VWC2L: variants seen among roughly 807,000 people sequenced by gnomAD.
The protein encoded by VWC2L is von Willebrand factor C domain-containing protein 2-like.
A neutral mutation model predicts 21.6 loss-of-function variants in VWC2L; 10 were observed. The observed-to-expected ratio is 0.46, with a 90% CI of 0.29 to 0.78. The LOEUF is 0.78. VWC2L is among the 30% of genes least tolerant of loss of function. VWC2L has a pLI of 0.10. For synonymous variants in VWC2L, 96 were observed against 94.3 expected, an observed-to-expected ratio of 1.02 and a Z score of -0.10; for missense variants, 209 against 277.1, an observed-to-expected ratio of 0.75 and a Z score of 1.74.
intron 3 of VWC2L, chr2:214,534,018 G>A (rs1175672886): frequency 6.6e-6 from 1 of 152,480 alleles, no homozygotes; most frequent in African/African-American, 2.4e-5. Context: ...AGCGCTGCTT[G>A]ATTCCCTTCA....
chr2:214,497,539 G>C (rs576163676), intron 3 of VWC2L, among the ~76,000 whole-genome samples: 1 of 152,228 alleles, frequency 6.6e-6, no homozygotes, highest in East Asian at 1.9e-4. Context: ...TTTCTTTGTT[G>C]ATTTTCCCAT....
intron 3 of VWC2L, among the ~76,000 whole-genome samples, chr2:214,469,467 C>T (rs986791860): frequency 2.6e-5 from 4 of 152,024 alleles, no homozygotes; most frequent in Non-Finnish European, 4.4e-5. Flanking sequence ...TGGTGGCGGG[C>T]GCCTGTAGTC....
intron 3 of VWC2L, among the ~76,000 whole-genome samples, chr2:214,537,896 G>A (rs1689560651): frequency 8.7e-6 from 1 of 115,228 alleles, no homozygotes; most frequent in African/African-American, 3.0e-5. Context: ...CCAAAGGATA[G>A]TGGCCTTTTT....
intron 3 of VWC2L, among the ~76,000 whole-genome samples, chr2:214,504,992 A>G (rs574389181): frequency 2.6e-4 from 40 of 152,340 alleles, no homozygotes; most frequent in Middle Eastern, 6.8e-3. Context: ...AAGATATCAT[A>G]ATTAGTTCAA....
intron 3 of VWC2L, among the ~76,000 whole-genome samples, chr2:214,503,606 A>G (rs1688925826): frequency 6.6e-6 from 1 of 152,166 alleles, no homozygotes; most frequent in Non-Finnish European, 1.5e-5. Flanking sequence ...TCTCAGCTAC[A>G]AAAGCAGTGA....
At chr2:214,420,756 A>G (rs1294815158) in intron 2 of VWC2L, among the ~76,000 whole-genome samples, 1 of 152,326 alleles carries the variant, frequency 6.6e-6, no homozygotes, top group East Asian at 1.9e-4. Flanking sequence ...TCATGATTTT[A>G]TGCGGCAAAG....
At chr2:214,539,598 AC>A (rs1261879660) in intron 3 of VWC2L, among the ~76,000 whole-genome samples, 5 of 152,178 alleles carry the variant, frequency 3.3e-5, no homozygotes, top group Admixed American at 3.3e-4. Context: ...CGTTAACCTG[AC>A]CTTGTATAGT....
intron 3 of VWC2L, among the ~76,000 whole-genome samples, chr2:214,515,687 G>A (rs1319016795): frequency 6.6e-6 from 1 of 152,140 alleles, no homozygotes; most frequent in Non-Finnish European, 1.5e-5. Flanking sequence ...CCAAGTAGCT[G>A]GGATTGCAGG....
At chr2:214,568,481 A>G (rs982774972) in intron 3 of VWC2L, among the ~76,000 whole-genome samples, 1 of 152,228 alleles carries the variant, frequency 6.6e-6, no homozygotes, top group Non-Finnish European at 1.5e-5. Context: ...AAAAGGAAAG[A>G]GGTTTAATGG....
At chr2:214,513,564 T>A (rs1689092238) in intron 3 of VWC2L, among the ~76,000 whole-genome samples, 2 of 152,252 alleles carry the variant, frequency 1.3e-5, no homozygotes, top group South Asian at 4.1e-4. Flanking sequence ...AACTGTGACA[T>A]GAATGGAAGT....
intron 2 of VWC2L, among the ~76,000 whole-genome samples, chr2:214,416,620 T>C (rs1702360606): frequency 6.6e-6 from 1 of 152,066 alleles, no homozygotes. Flanking sequence ...TTCTAAATGC[T>C]GCCATTCTAA....
At chr2:214,464,170 T>C (rs1352593819) in intron 3 of VWC2L, among the ~76,000 whole-genome samples, 1 of 152,116 alleles carries the variant, frequency 6.6e-6, no homozygotes, top group Non-Finnish European at 1.5e-5. Context: ...TTTAGTTCAT[T>C]TGTTGAGGTC....
chr2:214,450,372 C>A (rs1028735671), intron 3 of VWC2L, among the ~76,000 whole-genome samples: 3 of 151,026 alleles, frequency 2.0e-5, no homozygotes, highest in Non-Finnish European at 4.5e-5. Flanking sequence ...ACTATGGTGA[C>A]CCTTCTAGCC....
At chr2:214,558,918 T>C (rs1026168179) in intron 3 of VWC2L, among the ~76,000 whole-genome samples, 2 of 152,060 alleles carry the variant, frequency 1.3e-5, no homozygotes, top group Non-Finnish European at 2.9e-5. Flanking sequence ...ATGTGCACAT[T>C]GTGCAGGTTA....
intron 3 of VWC2L, among the ~76,000 whole-genome samples, chr2:214,441,571 C>T (rs1329759886): frequency 1.3e-5 from 2 of 151,928 alleles, no homozygotes; most frequent in African/African-American, 2.4e-5. Flanking sequence ...TTTTAAAAGA[C>T]ACTTTCTTTC....
chr2:214,450,037 T>C (rs1702930399), intron 3 of VWC2L, among the ~76,000 whole-genome samples: 1 of 152,164 alleles, frequency 6.6e-6, no homozygotes, highest in African/African-American at 2.4e-5. Context: ...CTTTCTGTGT[T>C]AGGGTTTGAA....
At chr2:214,500,526 T>G (rs999602911) in intron 3 of VWC2L, among the ~76,000 whole-genome samples, 1 of 152,218 alleles carries the variant, frequency 6.6e-6, no homozygotes, top group African/African-American at 2.4e-5. Context: ...AAAAGGCAAG[T>G]AAGTCCTTCC....
At chr2:214,514,557 C>A (rs145054102) in intron 3 of VWC2L, among the ~76,000 whole-genome samples, 1 of 152,006 alleles carries the variant, frequency 6.6e-6, no homozygotes, top group Non-Finnish European at 1.5e-5. Flanking sequence ...TATTCAGTTG[C>A]GAAGGGGCAA....
rs143532357 is a variant in VWC2L at position 214,464,840 on chromosome 2, C to T, written c.520+28082C>T. On this transcript the variant is annotated intron_variant, in intron 3 of 3. Coordinates refer to ENST00000312504, the MANE Select transcript of VWC2L (RefSeq NM_001080500.4). Reference sequence around the variant, plus strand: ...ATATTTTACTGTGGCTGAGCTGGCACCCAAGCCACATGACAGAGTCCTTTC... The same window carrying T: ...ATATTTTACTGTGGCTGAGCTGGCATCCAAGCCACATGACAGAGTCCTTTC... Among the ~76,000 whole-genome samples, 278 of 152,182 alleles carry T rather than the reference C, an allele frequency of 1.8e-3. 1 individual carries two copies. The highest frequency in any genetic ancestry group is 6.4e-3 in the African/African-American group (266 of 41,532).
Sources: gnomAD v4.1 joint callset for allele counts (sites outside exome capture counted in the v4.1 genomes callset) on GRCh38, gnomAD v4.1.1 for gene constraint, MANE v1.5 for transcripts, NCBI Gene and HGNC (gene_info 2026-07-23, HGNC 2026-07-21) for gene names.